USH2A: variants seen among roughly 807,000 people sequenced by gnomAD.
USH2A encodes Usher syndrome 2A (autosomal recessive, mild).
A neutral mutation model predicts 538.9 loss-of-function variants in USH2A; 443 were observed. The observed-to-expected ratio is 0.82, with a 90% CI of 0.76 to 0.89. The LOEUF is 0.89. Among genes scored for constraint, USH2A ranks in the 40% least tolerant of loss-of-function variants. USH2A has a pLI of 0.00. For synonymous variants in USH2A, 2,413 were observed against 2,273.5 expected (o/e 1.06, Z -1.75); for missense variants, 6,633 against 6,324.8 (o/e 1.05, Z -1.65).
chr1:215,648,600 A>G lies in USH2A; in HGVS notation c.14510T>C (p.Ile4837Thr). 1 of 1,614,144 alleles carries G rather than the reference A, an allele frequency of 6.2e-7. No homozygotes were observed. The highest frequency in any genetic ancestry group is 8.5e-7 in the Non-Finnish European group (1 of 1,180,022). ...APPSGLSSPQIGTLASRTASF... is the reference protein window; with the variant it reads ...APPSGLSSPQTGTLASRTASF... ...GGCCGTCCTTGAGGCCAGCGTCCCG[A>G]TTTGTGGAGAGGACAGTCCTGAGGG... The change falls in exon 66 of 72, where the codon ATC (isoleucine) becomes ACC (threonine). Residue 4837 changes from isoleucine (I) to threonine (T), a missense_variant. Ile to Thr is a moderately conservative substitution (Grantham distance 89). Transcript: ENST00000307340.
At position 216,307,158 on chromosome 1, in the gene USH2A, C is replaced by T. The variant is rs554428377; in HGVS notation, c.1644+14725G>A. On this transcript the variant is annotated intron_variant, in intron 9 of 71. Transcript: ENST00000307340. ...AGAGATTATGTCCTTTGTCTGGCTA[C>T]GAGGGCAGGTAGAGAAAGGCCATCA... is the stretch of plus-strand genomic sequence containing the variant. Among the ~76,000 whole-genome samples the T allele has an allele frequency of 2.0e-4, 30 of 152,040 alleles. 1 individual carries two copies. The South Asian group carries it at 4.2e-3, about 21-fold the overall frequency.
intron 47 of USH2A, among the ~76,000 whole-genome samples, chr1:215,828,881 C>T (rs1443301081): frequency 6.6e-6 from 1 of 152,132 alleles, no homozygotes; most frequent in Non-Finnish European, 1.5e-5. Flanking sequence ...AACTTCATAG[C>T]ACAGTACCTA....
At chr1:216,174,636 G>C (rs928343878) in intron 21 of USH2A, 267 of 984,416 alleles carry the variant, frequency 2.7e-4, no homozygotes, top group Non-Finnish European at 3.2e-4. Flanking sequence ...ACCGAAACAA[G>C]AGCCTCACTT....
intron 11 of USH2A, among the ~76,000 whole-genome samples, chr1:216,275,358 G>A (rs943061588): frequency 3.3e-5 from 5 of 152,138 alleles, no homozygotes; most frequent in African/African-American, 1.2e-4. Context: ...TTATCAAAAT[G>A]AAAGATCTCA....
At chr1:216,325,212 G>T in intron 6 of USH2A, 93 bp downstream of exon 6, 1 of 1,342,782 alleles carries the variant, frequency 7.4e-7, no homozygotes, top group Non-Finnish European at 1.1e-6. Flanking sequence ...AACTGTTAGG[G>T]AATATATTTC....
chr1:216,194,570 T>G (rs1411341820), intron 19 of USH2A, among the ~76,000 whole-genome samples: 2 of 152,062 alleles, frequency 1.3e-5, no homozygotes, highest in African/African-American at 2.4e-5. Flanking sequence ...GTAAGACATA[T>G]GTGTTCTAGA....
chr1:216,062,877 T>A (rs1571927296), intron 30 of USH2A, among the ~76,000 whole-genome samples: 1 of 152,174 alleles, frequency 6.6e-6, no homozygotes, highest in East Asian at 1.9e-4. Flanking sequence ...ATCTGAAGAA[T>A]AAAAGAGCTT....
In USH2A at chr1:215,782,197, C is replaced by T. The variant is rs1571681639; in HGVS notation, c.10586-1G>A. ...AGAAGGATGTAGTAAATAATAGGAC[C>T]TAAAAGAAGCAGAAAAATGACTGCA... On this transcript the variant is annotated splice_acceptor_variant, in intron 53 of 71. Transcript: ENST00000307340. LOFTEE classifies it high-confidence loss of function. The T allele has an allele frequency of 6.2e-7, 1 of 1,613,528 alleles. No individual in the cohort carries two copies. Among genetic ancestry groups the T allele is most frequent in the East Asian group, 2.2e-5 (1 of 44,872 alleles).
chr1:215,790,398 T>C (rs1661948885), intron 50 of USH2A, 116 bp from the exon 51 acceptor site: 2 of 1,074,090 alleles, frequency 1.9e-6, no homozygotes, highest in East Asian at 2.5e-5. Flanking sequence ...AATGGTGCAA[T>C]ACCTAAGGTA....
chr1:215,951,880 C>T (rs546517267), intron 37 of USH2A, among the ~76,000 whole-genome samples: 5 of 147,838 alleles, frequency 3.4e-5, no homozygotes, highest in East Asian at 2.0e-4. Flanking sequence ...TTTTTTGAGA[C>T]GGAGTCTTGC....
intron 1 of USH2A, 70 bp downstream of exon 1, chr1:216,423,144 T>C (rs1257001787): frequency 6.6e-6 from 1 of 152,204 alleles, no homozygotes; most frequent in Admixed American, 6.5e-5. Flanking sequence ...CATATGACTA[T>C]GAATTTGTAG....
chr1:216,199,515 T>C, intron 17 of USH2A, 112 bp downstream of exon 17: 1 of 1,464,100 alleles, frequency 6.8e-7, no homozygotes, highest in Non-Finnish European at 9.5e-7. Context: ...TCAATTATTA[T>C]ATTGTGCAGT....
At position 216,340,101 on chromosome 1, in the gene USH2A, CTAAT is replaced by C. The variant is rs1308237628; in HGVS notation, c.785-12451_785-12448del. Among the ~76,000 whole-genome samples the C allele has an allele frequency of 3.3e-5, 5 of 151,174 alleles. No individual in the cohort carries two copies. In the East Asian group the frequency reaches 9.7e-4, roughly 29 times the overall value. ...CAAACAAAATAGACTGCTAGCTAGA[CTAAT>C]AAAGAAGAAAAGAGAGAAGAATCAA... On this transcript the variant is annotated intron_variant, in intron 4 of 71. Transcript: ENST00000307340.
chr1:216,021,452 G>A (rs1289691830), intron 32 of USH2A, among the ~76,000 whole-genome samples: 1 of 152,026 alleles, frequency 6.6e-6, no homozygotes, highest in Non-Finnish European at 1.5e-5. Flanking sequence ...TGATTATGAG[G>A]CCTCCACAGC....
At chr1:216,421,013 A>C (rs967277566) in intron 2 of USH2A, among the ~76,000 whole-genome samples, 3 of 152,164 alleles carry the variant, frequency 2.0e-5, no homozygotes, top group Non-Finnish European at 4.4e-5. Context: ...AAAGCCCTCT[A>C]GGAAGAAAAA....
chr1:215,639,725 G>T (rs1333151446), intron 68 of USH2A, among the ~76,000 whole-genome samples: 1 of 152,210 alleles, frequency 6.6e-6, no homozygotes, highest in Non-Finnish European at 1.5e-5. Flanking sequence ...GGCCTGGCCA[G>T]GTAGAACCTG....
intron 31 of USH2A, among the ~76,000 whole-genome samples, chr1:216,047,673 G>A (rs1235308480): frequency 6.6e-6 from 1 of 152,110 alleles, no homozygotes; most frequent in Non-Finnish European, 1.5e-5. Flanking sequence ...AAAAGAGGAA[G>A]GGGGGAATAT....
At chr1:215,778,850 C>A (rs1027033914) in intron 55 of USH2A, among the ~76,000 whole-genome samples, 3 of 152,180 alleles carry the variant, frequency 2.0e-5, no homozygotes, top group African/African-American at 7.2e-5. Flanking sequence ...TCAAAGTATT[C>A]TTTTCTGTAA....
At chr1:216,246,564 T>C in intron 13 of USH2A, 21 bp downstream of exon 13, 1 of 1,613,938 alleles carries the variant, frequency 6.2e-7, no homozygotes, top group Non-Finnish European at 8.5e-7. Flanking sequence ...GCACTGAAAA[T>C]GTAATACATT....
Sources: gnomAD v4.1 joint callset for allele counts (sites outside exome capture counted in the v4.1 genomes callset) on GRCh38, gnomAD v4.1.1 for gene constraint, MANE v1.5 for transcripts, NCBI Gene and HGNC (gene_info 2026-07-23, HGNC 2026-07-21) for gene names.